DNAH1: variants seen among roughly 807,000 people sequenced by gnomAD.
DNAH1 encodes the protein axonemal beta dynein heavy chain 1.
A neutral mutation model predicts 484.3 loss-of-function variants in DNAH1; 327 were observed. The observed-to-expected ratio is 0.68, with a 90% CI of 0.62 to 0.74. The LOEUF (loss-of-function observed/expected upper bound fraction) is 0.74, where lower values mean the gene tolerates loss of function less well. Among genes scored for constraint, DNAH1 ranks in the 30% least tolerant of loss-of-function variants. DNAH1 has a pLI of 0.00. For missense variants in DNAH1, 5,052 were observed against 5,546.8 expected (o/e 0.91, Z 2.83); for synonymous variants, 2,192 against 2,191.9 (o/e 1.00, Z 0.00).
chr3:52,391,611 C>T lies in DNAH1; in HGVS notation c.10052+8C>T. The T allele has an allele frequency of 6.2e-7, 1 of 1,613,644 alleles. No individual in the cohort carries two copies. Among genetic ancestry groups the T allele is most frequent in the Non-Finnish European group, 8.5e-7 (1 of 1,179,830 alleles). ...CTTCACCCTGTCGCCCAGGTGAGCC[C>T]CCACTCTTGGGGACGCCCAAGCATC... On this transcript the variant is annotated splice_region_variant and intron_variant, in intron 63 of 77. Transcript: ENST00000420323.
rs565767837 is a variant in DNAH1 at position 52,377,200 on chromosome 3, G to A, written c.7198+1207G>A. ...CAAACCTGTCCAGAGCCAAACTCCC[G>A]AGTACCCCGGTCCCCGCACTCTTCC... On this transcript the variant is annotated intron_variant, in intron 46 of 77. Coordinates refer to ENST00000420323, the MANE Select transcript of DNAH1 (RefSeq NM_015512.5). 5.9e-5 allele frequency among the ~76,000 whole-genome samples: 9 copies of A among 152,080 alleles called. No homozygotes were observed. The South Asian group carries it at 8.3e-4, about 14-fold the overall frequency.
Position 52,391,483 on chromosome 3 carries a change from A to T in DNAH1, c.9932A>T (p.Asp3311Val). The T allele has an allele frequency of 1.2e-6, 2 of 1,613,148 alleles. No homozygotes were observed. The highest frequency in any genetic ancestry group is 1.7e-6 in the Non-Finnish European group (2 of 1,179,526). Residue 3311 changes from aspartate (D) to valine (V), a missense_variant, in exon 63 of 78, where the codon GAC becomes GTC. By Grantham distance (152) the Asp-to-Val change is radical. Coordinates refer to ENST00000420323, the MANE Select transcript of DNAH1 (RefSeq NM_015512.5). ...QQGNTVLKLG[D>V]TVIPYHEDFR... ...GGAAACACGGTGCTGAAGCTGGGGGACACGGTGATCCCCTACCATGAGGAC... is the reference window on the plus strand; with the variant it reads ...GGAAACACGGTGCTGAAGCTGGGGGTCACGGTGATCCCCTACCATGAGGAC...
chr3:52,369,651 C>T (rs1237217003), intron 37 of DNAH1, among the ~76,000 whole-genome samples, 174 bp from the exon 38 acceptor site: 1 of 152,104 alleles, frequency 6.6e-6, no homozygotes, highest in Admixed American at 6.5e-5. Flanking sequence ...GGGAGAGCCA[C>T]GTTATCAGCT....
At chr3:52,389,706 CTGAA>C in intron 60 of DNAH1, 120 bp downstream of exon 60, 1 of 1,149,786 alleles carries the variant, frequency 8.7e-7, no homozygotes, top group Non-Finnish European at 1.1e-6. Context: ...GCTGCCTCTG[CTGAA>C]CCCTCCTGTG....
intron 52 of DNAH1, 56 bp downstream of exon 52, chr3:52,384,087 G>C (rs1008411076): frequency 6.8e-7 from 1 of 1,471,328 alleles, no homozygotes; most frequent in African/African-American, 1.4e-5. Flanking sequence ...CTTGGGGCAT[G>C]GGCTCAGGGT....
rs1559544548 is a variant in DNAH1, at chr3:52,373,020, GACC to G, written c.6955_6957del (p.His2319del). On this transcript the variant is annotated inframe_deletion, in exon 44 of 78. Transcript: ENST00000420323. ...CATCGAGCTGTTGCGCCAGTGGATGGACCACGGCGGCTGGTACGACCGCAAGAT... is the reference window on the plus strand; with the variant it reads ...CATCGAGCTGTTGCGCCAGTGGATGGACGGCGGCTGGTACGACCGCAAGAT... The G allele has an allele frequency of 6.2e-7, 1 of 1,613,278 alleles. No individual in the cohort carries two copies. Among genetic ancestry groups the G allele is most frequent in the Admixed American group, 1.7e-5 (1 of 60,008 alleles).
rs745816541 is a variant in DNAH1, at chr3:52,398,916, G to A, written c.12156G>A (p.Leu4052=). The A allele has an allele frequency of 1.2e-6, 2 of 1,610,612 alleles. No individual in the cohort carries two copies. The highest frequency in any genetic ancestry group is 1.7e-6 in the Non-Finnish European group (2 of 1,177,864). Residue 4052 remains leucine (L), a synonymous_variant, in exon 76 of 78, where the codon CTG becomes CTA. Transcript: ENST00000420323. ...LQDLLKALKG[L]VVMSSQLELM... is the part of the protein sequence containing the mutation. ...ACCTACTCAAGGCACTCAAGGGGCT[G>A]GTAGTGATGTCCTCTCAGCTGGAGC...
chr3:52,350,101 G>A lies in DNAH1; in HGVS notation c.2639G>A (p.Gly880Asp). 6.2e-7 allele frequency: 1 copy of A among 1,610,866 alleles called. No individual in the cohort carries two copies. Among genetic ancestry groups the A allele is most frequent in the Non-Finnish European group, 8.5e-7 (1 of 1,179,202 alleles). Residue 880 changes from glycine (G) to aspartate (D), a missense_variant, in exon 15 of 78, where the codon GGC (glycine) becomes GAC (aspartate). Gly to Asp is a moderately conservative substitution (Grantham distance 94). Coordinates refer to ENST00000420323, the MANE Select transcript of DNAH1 (RefSeq NM_015512.5). Reference protein sequence around the residue: ...WMKGIPERLVGLEERIVKVMD... With the variant: ...WMKGIPERLVDLEERIVKVMD... The stretch of plus-strand genomic sequence containing the variant: ...AAGGGCATCCCGGAGAGGCTGGTGG[G>A]CCTGGAGGTGAGGCAGGCACACGGG...
At chr3:52,365,091 G>C in intron 34 of DNAH1, 72 bp downstream of exon 34, 2 of 1,538,664 alleles carry the variant, frequency 1.3e-6, no homozygotes, top group Non-Finnish European at 1.8e-6. Context: ...CAGGGGGACA[G>C]AGACAGGACA....
chr3:52,378,292 A>G (rs1479828249), intron 46 of DNAH1, among the ~76,000 whole-genome samples: 2 of 151,944 alleles, frequency 1.3e-5, no homozygotes, highest in East Asian at 3.9e-4. Context: ...CACAGCCTCC[A>G]TAGGACAAGG....
intron 6 of DNAH1, among the ~76,000 whole-genome samples, chr3:52,329,600 G>A (rs757900478): frequency 3.9e-5 from 6 of 152,134 alleles, no homozygotes; most frequent in Non-Finnish European, 7.3e-5. Context: ...AGCCAAGGCA[G>A]GCGGATCATG....
At chr3:52,390,876 C>T in intron 60 of DNAH1, 59 bp from the exon 61 acceptor site, 1 of 1,547,026 alleles carries the variant, frequency 6.5e-7, no homozygotes, top group Non-Finnish European at 8.7e-7. Flanking sequence ...ATGCTGATGC[C>T]CTCAGTGACC....
rs116520695 is a variant in DNAH1, at chr3:52,398,446, C to T, written c.12089+284C>T. ...ATAGGCGCACACCACCTAATTAGCG[C>T]GCCCAGCTAATTTTTGTATTTTTAA... On this transcript the variant is annotated intron_variant, in intron 75 of 77. Coordinates refer to ENST00000420323, the MANE Select transcript of DNAH1 (RefSeq NM_015512.5). Among the ~76,000 whole-genome samples the T allele has an allele frequency of 1.6e-3, 244 of 152,242 alleles. 3 individuals are homozygous for T. Among genetic ancestry groups the T allele is most frequent in the African/African-American group, 5.3e-3 (221 of 41,534 alleles).
intron 46 of DNAH1, among the ~76,000 whole-genome samples, chr3:52,376,627 C>T (rs923803704): frequency 2.6e-5 from 4 of 152,162 alleles, no homozygotes; most frequent in South Asian, 2.1e-4. Context: ...GTGCTCCCTT[C>T]GCCACTGGGC....
chr3:52,348,006 A>G, intron 12 of DNAH1, 32 bp downstream of exon 12: 1 of 1,581,262 alleles, frequency 6.3e-7, no homozygotes, highest in Non-Finnish European at 8.6e-7. Context: ...GGCCCCAGGC[A>G]CCTGCTGCCC....
intron 14 of DNAH1, 100 bp downstream of exon 14, chr3:52,349,520 C>G (rs1201555775): frequency 8.6e-7 from 1 of 1,158,668 alleles, no homozygotes; most frequent in Non-Finnish European, 1.2e-6. Flanking sequence ...CAAGCAGGGT[C>G]TGGGGTGTCT....
chr3:52,399,141 T>G lies in DNAH1; in HGVS notation c.12381T>G (p.Thr4127=), dbSNP rs773594394. The change falls in exon 76 of 78, where the codon ACT becomes ACG. Residue 4127 remains threonine, a synonymous_variant. Coordinates refer to ENST00000420323, the MANE Select transcript of DNAH1 (RefSeq NM_015512.5). ...FFFPQAFLTG[T]LQNFARKFVI... ...TCCCCCAGGCTTTCTTAACAGGCAC[T>G]CTGCAGAATTTTGCCCGCAAATTTG... 1 of 1,613,896 alleles carries G rather than the reference T, an allele frequency of 6.2e-7. No individual in the cohort carries two copies. Among genetic ancestry groups the G allele is most frequent in the African/African-American group, 1.3e-5 (1 of 75,072 alleles).
chr3:52,373,037 C>T lies in DNAH1; in HGVS notation c.6969C>T (p.Tyr2323=), dbSNP rs371370319. 1.5e-5 allele frequency: 24 copies of T among 1,611,904 alleles called. No individual in the cohort carries two copies. Among genetic ancestry groups the T allele is most frequent in the Admixed American group, 1.0e-4 (6 of 59,916 alleles). The change falls in exon 44 of 78, where the codon TAC becomes TAT. Residue 2323 remains tyrosine (Y), a synonymous_variant. Transcript: ENST00000420323. ...AGTGGATGGACCACGGCGGCTGGTA[C>T]GACCGCAAGATCATTGGTGAGTGTG... is the stretch of plus-strand genomic sequence containing the variant. ...LRQWMDHGGW[Y]DRKIIGAFKN... is the part of the protein sequence containing the mutation.
Position 52,385,407 on chromosome 3 carries a change from A to AGGC in DNAH1, c.8586_8588dup (p.Ala2864dup). On this transcript the variant is annotated inframe_insertion, in exon 54 of 78. Transcript: ENST00000420323. ...GAGAGTATGCACCCCCTGCTGGAGG[A>AGGC]GGCTGCCAAGGACACCATGCTCACC... 6.4e-7 allele frequency: 1 copy of AGGC among 1,552,476 alleles called. No individual in the cohort carries two copies. Among genetic ancestry groups the AGGC allele is most frequent in the South Asian group, 1.2e-5 (1 of 84,088 alleles).
Sources: gnomAD v4.1 joint callset for allele counts (sites outside exome capture counted in the v4.1 genomes callset) on GRCh38, gnomAD v4.1.1 for gene constraint, MANE v1.5 for transcripts, NCBI Gene and HGNC (gene_info 2026-07-23, HGNC 2026-07-21) for gene names.